MBNL2: variants seen among roughly 807,000 people sequenced by gnomAD.
MBNL2 encodes muscleblind like splicing regulator 2.
MBNL2 carries 17 observed loss-of-function variants against 41.9 expected under a neutral mutation model. That is an observed-to-expected ratio of 0.41 (90% CI 0.28 to 0.61). The LOEUF (loss-of-function observed/expected upper bound fraction) is 0.61, where lower values mean the gene tolerates loss of function less well. Ranked by LOEUF, MBNL2 falls within the 20% of genes least tolerant of loss-of-function variation. The probability of loss-of-function intolerance (pLI) is 0.35; values close to 1 mark genes in which losing one functional copy is unlikely to be tolerated. For missense variants in MBNL2, 336 were observed against 505.6 expected, an observed-to-expected ratio of 0.66 and a Z score of 3.22; for synonymous variants, 195 against 182.9, an observed-to-expected ratio of 1.07 and a Z score of -0.53.
chr13:97,305,609 C>CG (rs2153009411), intron 2 of MBNL2, among the ~76,000 whole-genome samples: 2 of 151,706 alleles, frequency 1.3e-5, no homozygotes, highest in East Asian at 3.9e-4. Context: ...ACAAAAAATA[C>CG]AAAAAATTAG....
chr13:97,310,028 G>A (rs911704241), intron 2 of MBNL2, among the ~76,000 whole-genome samples: 1 of 152,238 alleles, frequency 6.6e-6, no homozygotes, highest in African/African-American at 2.4e-5. Flanking sequence ...TTTAACCAAA[G>A]TGGAGGCCTA....
At chr13:97,332,498 G>GT (rs765062739) in intron 2 of MBNL2, among the ~76,000 whole-genome samples, 22 of 152,342 alleles carry the variant, frequency 1.4e-4, no homozygotes, top group Non-Finnish European at 2.9e-4. Flanking sequence ...AGGAAGTAAA[G>GT]TAAGAGATGC....
the MBNL2 span, among the ~76,000 whole-genome samples, chr13:97,202,695 C>T: frequency 9.2e-5 from 14 of 152,138 alleles, no homozygotes; most frequent in Non-Finnish European, 4.4e-5. Flanking sequence ...CTAAAGTTTT[C>T]AAATGCCATG....
At chr13:97,210,778 G>T in the MBNL2 span, among the ~76,000 whole-genome samples, 1 of 151,540 alleles carries the variant, frequency 6.6e-6, no homozygotes, top group East Asian at 1.9e-4. Flanking sequence ...TTAAACTTCT[G>T]GCCGCAAGTG....
chr13:97,199,157 A>T, the MBNL2 span, among the ~76,000 whole-genome samples: 1 of 151,912 alleles, frequency 6.6e-6, no homozygotes. Flanking sequence ...TGGCCTTTGC[A>T]TTTGCCATTC....
chr13:97,371,664 A>C (rs1403422307), intron 8 of MBNL2, among the ~76,000 whole-genome samples: 1 of 152,092 alleles, frequency 6.6e-6, no homozygotes, highest in African/African-American at 2.4e-5. Flanking sequence ...TCGAGGCGGG[A>C]GAGTCTGTAG....
chr13:97,227,221 A>C (rs1307770099), intron 1 of MBNL2, among the ~76,000 whole-genome samples: 1 of 152,132 alleles, frequency 6.6e-6, no homozygotes, highest in East Asian at 1.9e-4. Context: ...GAGGCTGAGG[A>C]TGTAGCCATG....
chr13:97,280,820 A>G (rs1416520292), intron 2 of MBNL2, among the ~76,000 whole-genome samples: 1 of 152,240 alleles, frequency 6.6e-6, no homozygotes, highest in East Asian at 1.9e-4. Context: ...CACAAAGAGC[A>G]TGTTTCCTGG....
the MBNL2 span, among the ~76,000 whole-genome samples, chr13:97,183,195 TTC>T: frequency 6.6e-6 from 1 of 152,214 alleles, no homozygotes; most frequent in African/African-American, 2.4e-5. Context: ...TGATTTTCTC[TTC>T]TGTTTTCATG....
intron 3 of MBNL2, among the ~76,000 whole-genome samples, chr13:97,338,959 C>T (rs189689176): frequency 3.2e-4 from 48 of 152,246 alleles, no homozygotes; most frequent in African/African-American, 1.2e-3. Flanking sequence ...GCTAAGCCCC[C>T]TTGCTGCTAC....
At chr13:97,203,855 T>C in the MBNL2 span, among the ~76,000 whole-genome samples, 2 of 150,762 alleles carry the variant, frequency 1.3e-5, no homozygotes, top group Non-Finnish European at 2.9e-5. Context: ...AAACACTTAA[T>C]TGAATGAATG....
the MBNL2 span, among the ~76,000 whole-genome samples, chr13:97,202,896 T>C: frequency 6.6e-6 from 1 of 152,174 alleles, no homozygotes. Flanking sequence ...GGCTGGACAA[T>C]GTGCTGTCTG....
Position 97,346,659 on chromosome 13 carries a change from C to T in MBNL2, c.541-145C>T. ...GTCAGAGATTGTGGTTACCTGGGCT[C>T]CGCATAATCAATCTTTTCTTGTCAG... On this transcript the variant is annotated intron_variant, in intron 4 of 8. Transcript: ENST00000679496. The surrounding 1 kb of genome is among the most constrained non-coding windows in gnomAD (Gnocchi z 4.2). The T allele has an allele frequency of 1.6e-6, 1 of 613,564 alleles. No individual in the cohort carries two copies. Among genetic ancestry groups the T allele is most frequent in the Non-Finnish European group, 2.8e-6 (1 of 354,522 alleles). The allele number at this position is 613,564 out of a possible 1,614,324, so 38.0% of individuals were successfully genotyped here.
rs554794925 is a variant in MBNL2 at position 97,343,193 on chromosome 13, C to T, written c.517C>T (p.Leu173Phe). The change falls in exon 4 of 9, where the codon CTT (leucine) becomes TTT (phenylalanine). Residue 173 changes from leucine to phenylalanine, a missense_variant. Coordinates refer to ENST00000679496, the MANE Select transcript of MBNL2 (RefSeq NM_001382683.1). ...CCCGGGCTCAACTGCAACTCAGAAA[C>T]TTCTCAGGACTGACAAACTGGAGGT... Reference protein sequence around the residue: ...TVPGSTATQKLLRTDKLEVCR... With the variant: ...TVPGSTATQKFLRTDKLEVCR... 6.2e-7 allele frequency: 1 copy of T among 1,607,484 alleles called. No individual in the cohort carries two copies. Among genetic ancestry groups the T allele is most frequent in the African/African-American group, 1.3e-5 (1 of 74,802 alleles).
chr13:97,293,543 C>T (rs1340185273), intron 2 of MBNL2, among the ~76,000 whole-genome samples: 1 of 152,148 alleles, frequency 6.6e-6, no homozygotes, highest in African/African-American at 2.4e-5. Flanking sequence ...TTTATCCAAA[C>T]ATTAAATAAT....
chr13:97,313,022 A>T (rs963972453), intron 2 of MBNL2, among the ~76,000 whole-genome samples: 7 of 152,230 alleles, frequency 4.6e-5, no homozygotes, highest in Non-Finnish European at 8.8e-5. Flanking sequence ...CCATTGGGGT[A>T]GCAATCGTCT....
At chr13:97,173,749 G>A in the MBNL2 span, among the ~76,000 whole-genome samples, 35 of 152,224 alleles carry the variant, frequency 2.3e-4, no homozygotes, top group Non-Finnish European at 3.4e-4. Flanking sequence ...AGCAGGATAT[G>A]TCTCACCACC....
intron 1 of MBNL2, among the ~76,000 whole-genome samples, chr13:97,235,651 G>A (rs1256329305): frequency 1.3e-5 from 2 of 152,112 alleles, no homozygotes; most frequent in South Asian, 2.1e-4. Context: ...ACATGCCGGC[G>A]CAGCCTGTGC....
the MBNL2 span, among the ~76,000 whole-genome samples, chr13:97,149,709 G>C: frequency 2.6e-5 from 4 of 152,162 alleles, no homozygotes; most frequent in African/African-American, 9.7e-5. Flanking sequence ...TGGTGGAGCA[G>C]AGGTTGGGAC....
Sources: gnomAD v4.1 joint callset for allele counts (sites outside exome capture counted in the v4.1 genomes callset) on GRCh38, gnomAD v4.1.1 for gene constraint, Gnocchi (gnomAD v3.1) non-coding constraint, MANE v1.5 for transcripts, NCBI Gene and HGNC (gene_info 2026-07-23, HGNC 2026-07-21) for gene names.